NT5E: variants seen among roughly 807,000 people sequenced by gnomAD.
NT5E encodes 5'-nucleotidase.
Under a neutral mutation model 55.1 loss-of-function variants are expected in NT5E, and 53 were observed. The ratio of observed to expected loss-of-function variants is 0.96; its 90% CI spans 0.77 to 1.21. NT5E has a LOEUF of 1.21. Ranked by LOEUF, NT5E falls within the 50% of genes most tolerant of loss-of-function variation. The pLI is 0.00. For synonymous variants in NT5E, 270 were observed against 278.4 expected (o/e 0.97, Z 0.30); for missense variants, 683 against 724.3 (o/e 0.94, Z 0.65).
At chr6:85,481,649 C>G (rs1332387775) in intron 3 of NT5E, among the ~76,000 whole-genome samples, 1 of 152,156 alleles carries the variant, frequency 6.6e-6, no homozygotes, top group African/African-American at 2.4e-5. Context: ...CATAAGGTTC[C>G]TGGGCACGTG....
chr6:85,450,596 G>A lies in NT5E; in HGVS notation c.339+118G>A. On this transcript the variant is annotated intron_variant, in intron 1 of 8. Transcript: ENST00000257770. The surrounding 1 kb of genome is among the most constrained non-coding windows in gnomAD (Gnocchi z 4.0). ...GGTCCAGGGCGCGGAGAGATGTGGG[G>A]ATAAAGTGAGACTCCGGCCAGTGTG... is the stretch of plus-strand genomic sequence containing the variant. The A allele has an allele frequency of 1.1e-6, 1 of 922,732 alleles. No homozygotes were observed. Among genetic ancestry groups the A allele is most frequent in the South Asian group, 1.4e-5 (1 of 70,634 alleles). The allele number at this position is 922,732 out of a possible 1,614,324, so 57.2% of individuals were successfully genotyped here. A position where few individuals can be genotyped will look rare whatever the true frequency, so the allele number is the denominator to read the frequency against.
At chr6:85,453,593 C>T (rs1229782417) in intron 1 of NT5E, among the ~76,000 whole-genome samples, 1 of 152,224 alleles carries the variant, frequency 6.6e-6, no homozygotes, top group African/African-American at 2.4e-5. Flanking sequence ...AGATTCTCAC[C>T]AAGACAGGCT....
rs1333405717 is a variant in NT5E at position 85,450,400 on chromosome 6, C to T, written c.261C>T (p.Tyr87=). 1.9e-6 allele frequency: 3 copies of T among 1,602,336 alleles called. No individual in the cohort carries two copies. The highest frequency in any genetic ancestry group is 2.7e-5 in the African/African-American group (2 of 74,874). The part of the protein sequence containing the change: ...NVLLLDAGDQ[Y]QGTIWFTVYK... ...TGCTGCTGGACGCCGGCGACCAGTACCAGGGCACTATCTGGTTCACCGTGT... is the reference window on the plus strand; with the variant it reads ...TGCTGCTGGACGCCGGCGACCAGTATCAGGGCACTATCTGGTTCACCGTGT... The change falls in exon 1 of 9, where the codon TAC becomes TAT. Residue 87 remains tyrosine, a synonymous_variant. Transcript: ENST00000257770. This position sits in a 1 kb window ranked among gnomAD's most constrained non-coding sequence, Gnocchi z 4.0.
chr6:85,469,092 A>G (rs537748231), intron 2 of NT5E, among the ~76,000 whole-genome samples: 1 of 152,326 alleles, frequency 6.6e-6, no homozygotes, highest in African/African-American at 2.4e-5. Flanking sequence ...CTGGGCACCC[A>G]CAGGGTTATA....
chr6:85,461,418 A>G (rs1036648146), intron 1 of NT5E, among the ~76,000 whole-genome samples: 4 of 152,226 alleles, frequency 2.6e-5, no homozygotes, highest in South Asian at 2.1e-4. Flanking sequence ...TAACTTTAGC[A>G]GGAAATTGAA....
chr6:85,465,493 C>T (rs566926769), intron 1 of NT5E, among the ~76,000 whole-genome samples: 1 of 152,246 alleles, frequency 6.6e-6, no homozygotes, highest in Non-Finnish European at 1.5e-5. Context: ...CTGCAACAAC[C>T]TGTAAGACCA....
intron 5 of NT5E, 69 bp downstream of exon 5, chr6:85,487,558 T>C (rs904554484): frequency 1.3e-6 from 2 of 1,571,138 alleles, no homozygotes; most frequent in East Asian, 4.5e-5. Flanking sequence ...GAAGGAAGGA[T>C]GCGAGAAGGG....
At chr6:85,477,316 A>G (rs1484889892) in intron 3 of NT5E, among the ~76,000 whole-genome samples, 1 of 152,040 alleles carries the variant, frequency 6.6e-6, no homozygotes, top group East Asian at 1.9e-4. Flanking sequence ...AAAAAGTAAG[A>G]TTTCTTTATT....
intron 6 of NT5E, 63 bp downstream of exon 6, chr6:85,489,662 T>C (rs1308099638): frequency 1.0e-5 from 13 of 1,251,680 alleles, no homozygotes; most frequent in Admixed American, 1.8e-5. Flanking sequence ...TTTTCTGTTA[T>C]GGTTCTTGCC....
In NT5E at chr6:85,467,230, T is replaced by C; in HGVS notation, c.510T>C (p.Val170=). The C allele has an allele frequency of 6.2e-7, 1 of 1,614,194 alleles. No individual in the cohort carries two copies. The highest frequency in any genetic ancestry group is 8.5e-7 in the Non-Finnish European group (1 of 1,180,016). ...PYKVLPVGDE[V]VGIVGYTSKE... ...AAGTTCTTCCTGTTGGTGATGAAGT[T>C]GTGGGAATCGTTGGATACACTTCCA... Residue 170 remains valine (V), a synonymous_variant, in exon 2 of 9, where the codon GTT becomes GTC. Transcript: ENST00000257770.
intron 7 of NT5E, chr6:85,491,162 T>G (rs774106353): frequency 2.0e-6 from 1 of 501,232 alleles, no homozygotes; most frequent in African/African-American, 1.9e-5. Flanking sequence ...TCAACCCCTC[T>G]GGGCACAGGG....
At chr6:85,483,288 G>A (rs1769585342) in intron 3 of NT5E, among the ~76,000 whole-genome samples, 1 of 152,210 alleles carries the variant, frequency 6.6e-6, no homozygotes, top group South Asian at 2.1e-4. Context: ...GGACATTTGG[G>A]GAACTGCACC....
intron 5 of NT5E, among the ~76,000 whole-genome samples, chr6:85,489,173 G>C (rs1300245715): frequency 6.6e-6 from 1 of 152,136 alleles, no homozygotes; most frequent in Admixed American, 6.5e-5. Flanking sequence ...CTGTGCAGGA[G>C]TGACTCTGCA....
At chr6:85,461,454 G>A (rs775804925) in intron 1 of NT5E, among the ~76,000 whole-genome samples, 2 of 152,162 alleles carry the variant, frequency 1.3e-5, no homozygotes, top group Non-Finnish European at 2.9e-5. Flanking sequence ...GAGCCACAAA[G>A]CCCTGAAGGC....
At chr6:85,484,991 T>C (rs1322336877) in intron 3 of NT5E, among the ~76,000 whole-genome samples, 1 of 152,160 alleles carries the variant, frequency 6.6e-6, no homozygotes, top group African/African-American at 2.4e-5. Flanking sequence ...ACAAGCACAA[T>C]GCCCGGGTCT....
chr6:85,455,755 G>A (rs997200691), intron 1 of NT5E, among the ~76,000 whole-genome samples: 8 of 152,192 alleles, frequency 5.3e-5, no homozygotes, highest in African/African-American at 1.9e-4. Context: ...TATGGGATCT[G>A]ACAATGTCTT....
intron 3 of NT5E, 146 bp from the exon 4 acceptor site, chr6:85,485,089 T>C (rs1226977541): frequency 2.6e-6 from 2 of 759,496 alleles, no homozygotes; most frequent in Non-Finnish European, 4.5e-6. Flanking sequence ...AATGCCCAGA[T>C]AGGGCTCTGA....
chr6:85,460,555 A>G (rs750315906), intron 1 of NT5E, among the ~76,000 whole-genome samples: 2 of 152,200 alleles, frequency 1.3e-5, no homozygotes, highest in Non-Finnish European at 2.9e-5. Flanking sequence ...CCCACACACA[A>G]TGTGGATGGA....
chr6:85,465,140 C>CCCCATGGGG (rs1223020989), intron 1 of NT5E, among the ~76,000 whole-genome samples: 2 of 152,160 alleles, frequency 1.3e-5, no homozygotes, highest in Non-Finnish European at 2.9e-5. Flanking sequence ...GGGCTCCTCT[C>CCCCATGGGG]CCCATGGGGC....
Sources: gnomAD v4.1 joint callset for allele counts (sites outside exome capture counted in the v4.1 genomes callset) on GRCh38, gnomAD v4.1.1 for gene constraint, Gnocchi (gnomAD v3.1) non-coding constraint, MANE v1.5 for transcripts, NCBI Gene and HGNC (gene_info 2026-07-23, HGNC 2026-07-21) for gene names.